The following ZNF423 variants were observed in gnomAD, a reference collection of about 807,000 sequenced individuals.
ZNF423 encodes Ebf-associated zinc finger protein.
A neutral mutation model predicts 95.8 loss-of-function variants in ZNF423; 12 were observed. The observed-to-expected ratio is 0.13, with a 90% CI of 0.08 to 0.20. The LOEUF is 0.20. Ranked by LOEUF, ZNF423 falls within the 10% of genes least tolerant of loss-of-function variation. The pLI is 1.00. For synonymous variants in ZNF423, 749 were observed against 711.9 expected, an observed-to-expected ratio of 1.05 and a Z score of -0.83; for missense variants, 1,316 against 1,737.1, an observed-to-expected ratio of 0.76 and a Z score of 4.31.
At chr16:49,533,102 G>C (rs530178992) in intron 5 of ZNF423, among the ~76,000 whole-genome samples, 1 of 152,312 alleles carries the variant, frequency 6.6e-6, no homozygotes, top group South Asian at 2.1e-4. Flanking sequence ...CCCACCAAGG[G>C]ACGGCCTCTG....
At chr16:49,678,803 G>A (rs1294739304) in intron 3 of ZNF423, among the ~76,000 whole-genome samples, 4 of 152,254 alleles carry the variant, frequency 2.6e-5, no homozygotes, top group African/African-American at 9.6e-5. Context: ...ACAGCACACA[G>A]TTTGGGGAAA....
At chr16:49,503,255 C>G (rs1299155788) in intron 7 of ZNF423, among the ~76,000 whole-genome samples, 1 of 152,196 alleles carries the variant, frequency 6.6e-6, no homozygotes, top group African/African-American at 2.4e-5. Flanking sequence ...AGGCCCCCTT[C>G]CTGGCAAAGG....
intron 5 of ZNF423, among the ~76,000 whole-genome samples, chr16:49,618,311 G>C (rs1971944514): frequency 6.6e-6 from 1 of 152,196 alleles, no homozygotes; most frequent in Non-Finnish European, 1.5e-5. Context: ...TGCTGAGTAA[G>C]CTTCATTAGA....
chr16:49,607,124 T>C (rs1427961136), intron 5 of ZNF423, among the ~76,000 whole-genome samples: 1 of 150,206 alleles, frequency 6.7e-6, no homozygotes, highest in Non-Finnish European at 1.5e-5. Context: ...GTCAGAGTCC[T>C]TCATTCACAC....
At chr16:49,609,484 T>A (rs1184681860) in intron 5 of ZNF423, among the ~76,000 whole-genome samples, 2 of 150,996 alleles carry the variant, frequency 1.3e-5, no homozygotes, top group East Asian at 1.9e-4. Context: ...TTGAAACAAG[T>A]GGAAAAAAAA....
intron 1 of ZNF423, among the ~76,000 whole-genome samples, chr16:49,797,996 G>A (rs1439293861): frequency 6.6e-6 from 1 of 152,188 alleles, no homozygotes; most frequent in Non-Finnish European, 1.5e-5. Flanking sequence ...GATTGCTTGA[G>A]CCAAGGAGTT....
chr16:49,784,265 G>A (rs959051386), intron 2 of ZNF423, among the ~76,000 whole-genome samples: 6 of 152,136 alleles, frequency 3.9e-5, no homozygotes, highest in African/African-American at 1.4e-4. Context: ...GCCAGGTGCG[G>A]TGACACACAC....
rs571095891 is a variant in ZNF423 at position 49,750,002 on chromosome 16, T to C, written c.101-19031A>G. Among the ~76,000 whole-genome samples the C allele has an allele frequency of 3.9e-5, 6 of 152,292 alleles. No individual in the cohort carries two copies. In the East Asian group the frequency reaches 9.7e-4, roughly 25 times the overall value. ...CCATCCGTGCAGATGGAAAGGGCCA[T>C]GTGGTGGAGAGTTGGGGCTGACCTT... On this transcript the variant is annotated intron_variant, in intron 2 of 7. Transcript: ENST00000563137.
intron 3 of ZNF423, among the ~76,000 whole-genome samples, chr16:49,664,597 G>C (rs1238996584): frequency 6.6e-6 from 1 of 151,984 alleles, no homozygotes; most frequent in Non-Finnish European, 1.5e-5. Flanking sequence ...AAGGGAGCAA[G>C]GGGTCTCTCT....
intron 5 of ZNF423, among the ~76,000 whole-genome samples, chr16:49,596,404 C>G (rs965046395): frequency 3.3e-5 from 5 of 152,150 alleles, no homozygotes; most frequent in African/African-American, 1.2e-4. Context: ...CCTTCCCCCT[C>G]GATTCCAGAG....
intron 2 of ZNF423, among the ~76,000 whole-genome samples, chr16:49,754,273 T>C (rs182259771): frequency 6.6e-6 from 1 of 152,328 alleles, no homozygotes; most frequent in African/African-American, 2.4e-5. Flanking sequence ...CTGCATTCAA[T>C]CTGGCGTAAG....
chr16:49,846,000 G>C (rs1285374972), intron 1 of ZNF423, among the ~76,000 whole-genome samples: 2 of 152,138 alleles, frequency 1.3e-5, no homozygotes, highest in African/African-American at 4.8e-5. Flanking sequence ...GGTGGAACCA[G>C]GACCAACACA....
At chr16:49,570,082 T>C (rs1194536779) in intron 5 of ZNF423, among the ~76,000 whole-genome samples, 2 of 152,112 alleles carry the variant, frequency 1.3e-5, no homozygotes, top group African/African-American at 4.8e-5. Context: ...CAAAATGAAA[T>C]AGGAGAGTCC....
intron 5 of ZNF423, among the ~76,000 whole-genome samples, chr16:49,566,040 T>G (rs1315722832): frequency 6.6e-6 from 1 of 152,082 alleles, no homozygotes; most frequent in Non-Finnish European, 1.5e-5. Context: ...AACCTGTCTT[T>G]GCAAACCCCC....
At chr16:49,644,657 T>TAA (rs1973105596) in intron 3 of ZNF423, among the ~76,000 whole-genome samples, 1 of 34,914 alleles carries the variant, frequency 2.9e-5, no homozygotes, top group Non-Finnish European at 5.3e-5. Context: ...AAACTCTGAC[T>TAA]CAAAAAAAAA....
chr16:49,498,849 CT>C (rs1356305072), intron 7 of ZNF423, among the ~76,000 whole-genome samples: 1 of 152,186 alleles, frequency 6.6e-6, no homozygotes, highest in East Asian at 1.9e-4. Context: ...GATGGCCTGT[CT>C]TAAAGGCTCA....
At chr16:49,788,916 CTT>C (rs1055813667) in intron 2 of ZNF423, among the ~76,000 whole-genome samples, 5 of 152,234 alleles carry the variant, frequency 3.3e-5, no homozygotes, top group African/African-American at 1.2e-4. Flanking sequence ...GTCAGAAAAA[CTT>C]TACTCATCCA....
chr16:49,630,567 C>CG (rs1972462530), intron 4 of ZNF423, among the ~76,000 whole-genome samples: 1 of 152,042 alleles, frequency 6.6e-6, no homozygotes, highest in African/African-American at 2.4e-5. Flanking sequence ...GCAATGGCTG[C>CG]GGGCAGATGA....
intron 3 of ZNF423, among the ~76,000 whole-genome samples, chr16:49,709,227 A>G (rs1245432367): frequency 6.8e-6 from 1 of 147,800 alleles, no homozygotes; most frequent in African/African-American, 2.5e-5. Context: ...AAGGAAACAA[A>G]GCTGACTTCA....
Sources: gnomAD v4.1 joint callset for allele counts (sites outside exome capture counted in the v4.1 genomes callset) on GRCh38, gnomAD v4.1.1 for gene constraint, MANE v1.5 for transcripts, NCBI Gene and HGNC (gene_info 2026-07-23, HGNC 2026-07-21) for gene names.